GPR107: variants seen among roughly 807,000 people sequenced by gnomAD.
The protein encoded by GPR107 is G protein-coupled receptor 107, also known as protein GPR107.
Under a neutral mutation model 75.5 loss-of-function variants are expected in GPR107, and 31 were observed. The ratio of observed to expected loss-of-function variants is 0.41; its 90% CI spans 0.31 to 0.55. GPR107 has a LOEUF of 0.55. GPR107 is among the 20% of genes least tolerant of loss of function. The pLI, the probability that GPR107 is intolerant of heterozygous loss-of-function variation, is 0.26. For missense variants in GPR107, 572 were observed against 665.7 expected (o/e 0.86, Z 1.55); for synonymous variants, 267 against 251.3 (o/e 1.06, Z -0.59).
chr9:130,079,585 G>A, intron 4 of GPR107, 45 bp from the exon 5 acceptor site: 2 of 1,590,486 alleles, frequency 1.3e-6, no homozygotes, highest in Non-Finnish European at 1.7e-6. Flanking sequence ...CAGTGGCCAG[G>A]AGCACTGCTT....
intron 5 of GPR107, among the ~76,000 whole-genome samples, chr9:130,080,187 T>C (rs1420600063): frequency 6.6e-6 from 1 of 152,234 alleles, no homozygotes; most frequent in Non-Finnish European, 1.5e-5. Context: ...TTTGTGTGAT[T>C]ATGAATATTG....
intron 9 of GPR107, among the ~76,000 whole-genome samples, chr9:130,096,009 C>T (rs1464693713): frequency 1.3e-5 from 2 of 150,148 alleles, no homozygotes; most frequent in Non-Finnish European, 1.5e-5. Context: ...GACTGGAACT[C>T]GGGTCTGCTT....
rs1437663833 is a variant in GPR107 at position 130,112,036 on chromosome 9, C to G, written c.1306+4497C>G. Among the ~76,000 whole-genome samples, 1 of 152,154 alleles carries G rather than the reference C, an allele frequency of 6.6e-6. No homozygotes were observed. Among genetic ancestry groups the G allele is most frequent in the Admixed American group, 6.6e-5 (1 of 15,264 alleles). On this transcript the variant is annotated intron_variant, in intron 14 of 17. Coordinates refer to ENST00000347136, the MANE Select transcript of GPR107 (RefSeq NM_020960.5). This position sits in a 1 kb window ranked among gnomAD's most constrained non-coding sequence, Gnocchi z 4.0. Reference sequence around the variant, plus strand: ...CTGACTGCCCTTGAGCCCGCATCCGCGTTCCCTTCTCTTTCTCCAGTGTCA... The same window carrying G: ...CTGACTGCCCTTGAGCCCGCATCCGGGTTCCCTTCTCTTTCTCCAGTGTCA...
intron 16 of GPR107, among the ~76,000 whole-genome samples, chr9:130,127,767 A>G (rs1321162994): frequency 6.6e-6 from 1 of 152,100 alleles, no homozygotes; most frequent in Non-Finnish European, 1.5e-5. Context: ...CAGTGGCGCA[A>G]TCTCAGCTCA....
chr9:130,067,531 C>T (rs1589484178), intron 1 of GPR107, among the ~76,000 whole-genome samples: 1 of 152,236 alleles, frequency 6.6e-6, no homozygotes, highest in East Asian at 1.9e-4. Context: ...TCTGAGAAGA[C>T]AGCCCGTTTG....
intron 4 of GPR107, 68 bp from the exon 5 acceptor site, chr9:130,079,562 C>T: frequency 1.5e-6 from 2 of 1,346,430 alleles, no homozygotes; most frequent in African/African-American, 1.4e-5. Flanking sequence ...ACAGGGCCTA[C>T]ACGCAGCGTG....
intron 1 of GPR107, among the ~76,000 whole-genome samples, chr9:130,073,899 G>C (rs1245962279): frequency 6.6e-6 from 1 of 152,208 alleles, no homozygotes; most frequent in Non-Finnish European, 1.5e-5. Flanking sequence ...GGGATTACAG[G>C]CATGTGCCAC....
intron 1 of GPR107, among the ~76,000 whole-genome samples, chr9:130,069,634 A>T (rs1830151735): frequency 6.6e-6 from 1 of 152,172 alleles, no homozygotes; most frequent in African/African-American, 2.4e-5. Flanking sequence ...GGTGGGGAAC[A>T]GGTTAGGTGA....
chr9:130,083,351 T>C (rs1694067939), intron 5 of GPR107: 1 of 366,576 alleles, frequency 2.7e-6, no homozygotes, highest in East Asian at 4.0e-5. Context: ...TACCGGTTAC[T>C]AGATACCATT....
chr9:130,094,686 T>G (rs971336757), intron 9 of GPR107, among the ~76,000 whole-genome samples: 2 of 151,972 alleles, frequency 1.3e-5, no homozygotes, highest in South Asian at 2.1e-4. Context: ...TTTTTGTTTT[T>G]TTTTGTTTTT....
Position 130,103,555 on chromosome 9 carries a change from G to A in GPR107, c.1132-865G>A, listed in dbSNP as rs1397908301. Among the ~76,000 whole-genome samples the A allele has an allele frequency of 6.6e-6, 1 of 152,172 alleles. No individual in the cohort carries two copies. The highest frequency in any genetic ancestry group is 2.4e-5 in the African/African-American group (1 of 41,434). ...ATGCTAAGAGCCTAATAACGGGCCTGAGTACAGAGCTTAATAGTGGGCCTG... is the reference window on the plus strand; with the variant it reads ...ATGCTAAGAGCCTAATAACGGGCCTAAGTACAGAGCTTAATAGTGGGCCTG... On this transcript the variant is annotated intron_variant, in intron 12 of 17. Transcript: ENST00000347136. This position sits in a 1 kb window ranked among gnomAD's most constrained non-coding sequence, Gnocchi z 4.3.
Position 130,072,747 on chromosome 9 carries a change from A to G in GPR107, c.142-2889A>G, listed in dbSNP as rs551755591. 5.3e-5 allele frequency among the ~76,000 whole-genome samples: 8 copies of G among 152,234 alleles called. No homozygotes were observed. In the South Asian group the frequency reaches 1.7e-3, roughly 32 times the overall value. On this transcript the variant is annotated intron_variant, in intron 1 of 17. Transcript: ENST00000347136. Reference sequence around the variant, plus strand: ...GGGGGGGAACTGCTATCAGGTTGCAATCGAAACATTTTCTGGAAAAAAAAA... The same window carrying G: ...GGGGGGGAACTGCTATCAGGTTGCAGTCGAAACATTTTCTGGAAAAAAAAA...
At chr9:130,094,172 C>T (rs9696521) in intron 9 of GPR107, among the ~76,000 whole-genome samples, 1,727 of 151,862 alleles carry the variant, frequency 0.011, 34 homozygotes, top group African/African-American at 0.04. Flanking sequence ...GGGCTGGGCG[C>T]GGTGGTACAC....
At chr9:130,107,276 AT>A in intron 13 of GPR107, among the ~76,000 whole-genome samples, 1 of 152,212 alleles carries the variant, frequency 6.6e-6, no homozygotes, top group Admixed American at 6.5e-5. Flanking sequence ...TGCTAGACTT[AT>A]TGCCACAGAT....
chr9:130,130,590 G>A (rs868990367), intron 17 of GPR107, among the ~76,000 whole-genome samples: 9 of 152,056 alleles, frequency 5.9e-5, no homozygotes, highest in African/African-American at 1.4e-4. Context: ...TGGATATATC[G>A]GCTGGGTGCA....
At chr9:130,090,025 C>T (rs1830697994) in intron 7 of GPR107, among the ~76,000 whole-genome samples, 1 of 152,150 alleles carries the variant, frequency 6.6e-6, no homozygotes, top group Admixed American at 6.6e-5. Flanking sequence ...CCTTGTGTCT[C>T]CCTCGCAGTC....
intron 1 of GPR107, among the ~76,000 whole-genome samples, chr9:130,059,773 T>C (rs2132532118): frequency 6.6e-6 from 1 of 150,770 alleles, no homozygotes; most frequent in East Asian, 2.0e-4. Flanking sequence ...GAGTTTGTTC[T>C]TGTTGCCCAA....
chr9:130,088,506 AG>A (rs1173797925), intron 7 of GPR107, among the ~76,000 whole-genome samples: 4 of 152,316 alleles, frequency 2.6e-5, no homozygotes, highest in Admixed American at 2.6e-4. Context: ...CCTTAAGGGC[AG>A]GGGTTTTCTG....
chr9:130,117,193 C>A (rs1203166651), intron 14 of GPR107, among the ~76,000 whole-genome samples: 1 of 152,138 alleles, frequency 6.6e-6, no homozygotes, highest in African/African-American at 2.4e-5. Context: ...GTGATCGGCG[C>A]TCCTCAGCCA....
Sources: gnomAD v4.1 joint callset for allele counts (sites outside exome capture counted in the v4.1 genomes callset) on GRCh38, gnomAD v4.1.1 for gene constraint, Gnocchi (gnomAD v3.1) non-coding constraint, MANE v1.5 for transcripts, NCBI Gene and HGNC (gene_info 2026-07-23, HGNC 2026-07-21) for gene names.